The following ENTPD1 variants were observed in gnomAD, a reference collection of about 807,000 sequenced individuals.
ENTPD1 encodes the protein ectonucleoside triphosphate diphosphohydrolase 1, also known as ATP diphosphohydrolase.
Under a neutral mutation model 57.0 loss-of-function variants are expected in ENTPD1, and 33 were observed. The observed-to-expected ratio is 0.58, with a 90% confidence interval of 0.44 to 0.77. ENTPD1 has a LOEUF of 0.77. ENTPD1 is among the 30% of genes least tolerant of loss of function. The pLI is 0.00. For missense variants in ENTPD1, 501 were observed against 603.4 expected (o/e 0.83, Z 1.78); for synonymous variants, 202 against 218.8 (o/e 0.92, Z 0.68).
intron 1 of ENTPD1, among the ~76,000 whole-genome samples, chr10:95,761,985 A>G (rs2098065629): frequency 6.6e-6 from 1 of 152,180 alleles, no homozygotes; most frequent in Admixed American, 6.5e-5. Context: ...GAGAGAACCG[A>G]TGGAATTTCT....
intron 1 of ENTPD1, among the ~76,000 whole-genome samples, chr10:95,758,013 AAAAAAAAAAAAAAAAAAG>A (rs1178674053): frequency 1.5e-5 from 2 of 134,250 alleles, no homozygotes; most frequent in Non-Finnish European, 3.1e-5. Context: ...AAAAAAAAAA[AAAAAAAAAAAAAAAAAAG>A]ATTTGGACTG....
intron 1 of ENTPD1, among the ~76,000 whole-genome samples, chr10:95,770,257 G>GTA: frequency 2.4e-5 from 1 of 41,100 alleles, no homozygotes; most frequent in Admixed American, 2.0e-4. Flanking sequence ...GAGTGAGTGA[G>GTA]TGTGTGTGTG....
chr10:95,838,906 T>A (rs1362903808), intron 2 of ENTPD1, among the ~76,000 whole-genome samples: 1 of 152,250 alleles, frequency 6.6e-6, no homozygotes, highest in Admixed American at 6.5e-5. Flanking sequence ...TCTTCTCCTC[T>A]GCTGACTTTC....
chr10:95,747,518 T>C (rs1420651401), intron 1 of ENTPD1, among the ~76,000 whole-genome samples: 1 of 152,224 alleles, frequency 6.6e-6, no homozygotes, highest in Non-Finnish European at 1.5e-5. Flanking sequence ...CCTATCCGAC[T>C]AGCTCTGTCC....
intron 6 of ENTPD1, among the ~76,000 whole-genome samples, chr10:95,846,704 T>C (rs560355896): frequency 6.6e-6 from 1 of 152,052 alleles, no homozygotes; most frequent in African/African-American, 2.4e-5. Context: ...TACTTTTTTT[T>C]GGGCCAGGCG....
chr10:95,713,820 A>T (rs2097968524), intron 1 of ENTPD1, among the ~76,000 whole-genome samples: 1 of 152,226 alleles, frequency 6.6e-6, no homozygotes, highest in African/African-American at 2.4e-5. Context: ...AGCAGCAGAA[A>T]GGAAAAAAAA....
intron 1 of ENTPD1, among the ~76,000 whole-genome samples, chr10:95,761,311 C>T (rs1435429247): frequency 6.6e-6 from 1 of 152,146 alleles, no homozygotes; most frequent in Non-Finnish European, 1.5e-5. Context: ...CAAACTTTAG[C>T]ATGAGTATGT....
At position 95,847,564 on chromosome 10, in the gene ENTPD1, T is replaced by A. The variant is rs774387626; in HGVS notation, c.932T>A (p.Phe311Tyr). Residue 311 changes from phenylalanine to tyrosine, a missense_variant, in exon 7 of 10, where the codon TTC becomes TAC. Phe to Tyr is a conservative substitution (Grantham distance 22, BLOSUM62 3). Transcript: ENST00000371205. The stretch of plus-strand genomic sequence containing the variant: ...AAGAGATTTGAGATGACTCTTCCAT[T>A]CCAGCAGTTTGAAATCCAGGGTATT... ...CTKRFEMTLP[F>Y]QQFEIQGIGN... is the part of the protein sequence containing the mutation. 42 of 1,614,116 alleles carry A rather than the reference T, an allele frequency of 2.6e-5. No homozygotes were observed. The highest frequency in any genetic ancestry group is 3.5e-5 in the Non-Finnish European group (41 of 1,180,016).
At chr10:95,732,110 C>A (rs986210345) in intron 1 of ENTPD1, among the ~76,000 whole-genome samples, 3 of 152,032 alleles carry the variant, frequency 2.0e-5, no homozygotes, top group African/African-American at 7.2e-5. Context: ...GTAACTGCAA[C>A]AGAGGCATGC....
At chr10:95,825,978 T>C (rs144049663) in intron 2 of ENTPD1, among the ~76,000 whole-genome samples, 6 of 152,314 alleles carry the variant, frequency 3.9e-5, no homozygotes, top group African/African-American at 1.2e-4. Flanking sequence ...TCGACAATTA[T>C]TTATTACACT....
Position 95,876,600 on chromosome 10 carries a change from C to G in ENTPD1, c.*10217C>G. ...ATGGAGAATACAGGATGAATCCACT[C>G]TGTCTCCTGCAGTGAAGTCTGTTTG... On this transcript the variant is annotated 3_prime_UTR_variant, in exon 10 of 10. Transcript: ENST00000371205. 3 of 1,230,270 alleles carry G rather than the reference C, an allele frequency of 2.4e-6. No homozygotes were observed. Among genetic ancestry groups the G allele is most frequent in the Non-Finnish European group, 3.0e-6 (3 of 987,294 alleles). The allele number at this position is 1,230,270 out of a possible 1,614,324, so 76.2% of individuals were successfully genotyped here.
Position 95,873,407 on chromosome 10 carries a change from G to A in ENTPD1, c.*7024G>A. 1.0e-6 allele frequency: 1 copy of A among 985,576 alleles called. No homozygotes were observed. The highest frequency in any genetic ancestry group is 1.7e-5 in the African/African-American group (1 of 57,350). 61.1% of individuals were successfully genotyped at this position (985,576 alleles called of 1,614,324 possible). ...CCTTGCCTTGCCCTCTGCCTTTGGA[G>A]ACCAGCACCTCATACTCAGTGAAGG... is the stretch of plus-strand genomic sequence containing the variant. On this transcript the variant is annotated 3_prime_UTR_variant, in exon 10 of 10. Transcript: ENST00000371205.
At chr10:95,863,999 T>A (rs181446245) in intron 8 of ENTPD1, among the ~76,000 whole-genome samples, 144 of 151,964 alleles carry the variant, frequency 9.5e-4, no homozygotes, top group African/African-American at 3.3e-3. Flanking sequence ...CTAGGCTAGG[T>A]AAGGGCAAGG....
At chr10:95,798,331 G>C (rs2098234962) in intron 1 of ENTPD1, among the ~76,000 whole-genome samples, 1 of 152,042 alleles carries the variant, frequency 6.6e-6, no homozygotes, top group Admixed American at 6.6e-5. Context: ...TTATTGCCAG[G>C]AGAATTTTAA....
intron 1 of ENTPD1, among the ~76,000 whole-genome samples, chr10:95,738,780 A>C (rs947716518): frequency 5.3e-5 from 8 of 152,148 alleles, no homozygotes; most frequent in African/African-American, 1.9e-4. Flanking sequence ...AAGATTACCT[A>C]TTTATTAAGC....
chr10:95,844,923 T>G (rs2098431300), intron 5 of ENTPD1: 3 of 496,854 alleles, frequency 6.0e-6, no homozygotes, highest in Middle Eastern at 5.6e-4. Flanking sequence ...AACATTTGCC[T>G]TCTGCTATGT....
At chr10:95,722,540 G>A (rs930343151) in intron 1 of ENTPD1, among the ~76,000 whole-genome samples, 6 of 151,014 alleles carry the variant, frequency 4.0e-5, no homozygotes, top group African/African-American at 1.2e-4. Context: ...GTAAACTATC[G>A]CAAGAACAAA....
At chr10:95,752,622 G>A (rs1008388421), upstream of ENTPD1, among the ~76,000 whole-genome samples, 53 of 152,176 alleles carry the variant, frequency 3.5e-4, no homozygotes, top group African/African-American at 9.9e-4. Flanking sequence ...CTGAGATCGC[G>A]ACATTGCACT....
chr10:95,845,330 A>C (rs778719695), intron 5 of ENTPD1, 27 bp from the exon 6 acceptor site: 5 of 1,614,082 alleles, frequency 3.1e-6, no homozygotes, highest in Non-Finnish European at 4.2e-6. Context: ...AGAGACTTCT[A>C]GCACTGGTAA....
Sources: gnomAD v4.1 joint callset for allele counts (sites outside exome capture counted in the v4.1 genomes callset) on GRCh38, gnomAD v4.1.1 for gene constraint, MANE v1.5 for transcripts, NCBI Gene and HGNC (gene_info 2026-07-23, HGNC 2026-07-21) for gene names.